CALD1: variants seen among roughly 807,000 people sequenced by gnomAD.
CALD1 encodes the protein caldesmon 1.
In CALD1, 33 loss-of-function variants were observed where a neutral mutation model predicts 99.9. The observed-to-expected ratio is 0.33, with a 90% confidence interval of 0.25 to 0.44. The LOEUF is 0.44. Ranked by LOEUF, CALD1 falls within the 20% of genes least tolerant of loss-of-function variation. The pLI, the probability that CALD1 is intolerant of heterozygous loss-of-function variation, is 1.00. For missense variants in CALD1, 861 were observed against 962.1 expected, an observed-to-expected ratio of 0.89 and a Z score of 1.39; for synonymous variants, 310 against 325.0, an observed-to-expected ratio of 0.95 and a Z score of 0.50.
intron 14 of CALD1, among the ~76,000 whole-genome samples, chr7:134,966,504 T>TC (rs1808690605): frequency 6.6e-6 from 1 of 152,174 alleles, no homozygotes; most frequent in African/African-American, 2.4e-5. Context: ...CTCCATTATT[T>TC]CATTTGATCC....
At chr7:134,891,399 G>A in intron 3 of CALD1, 1 of 1,270,462 alleles carries the variant, frequency 7.9e-7, no homozygotes, top group Non-Finnish European at 9.9e-7. Flanking sequence ...TGTGAGGAGG[G>A]AACGGGTTGG....
chr7:134,883,349 G>C (rs774858413), intron 3 of CALD1, among the ~76,000 whole-genome samples: 5 of 151,810 alleles, frequency 3.3e-5, no homozygotes, highest in Non-Finnish European at 7.4e-5. Context: ...AGTGACTGTC[G>C]GCTATTTTTT....
At chr7:134,806,744 G>A (rs184891893) in intron 1 of CALD1, among the ~76,000 whole-genome samples, 3 of 151,904 alleles carry the variant, frequency 2.0e-5, no homozygotes, top group East Asian at 1.9e-4. Flanking sequence ...TCAATCCTTC[G>A]CCAACAATTT....
At chr7:134,930,731 A>G (rs551044143) in intron 4 of CALD1, among the ~76,000 whole-genome samples, 2 of 152,312 alleles carry the variant, frequency 1.3e-5, no homozygotes, top group Non-Finnish European at 2.9e-5. Flanking sequence ...TAAAAATTAT[A>G]CCTTTCTCCA....
At chr7:134,812,744 T>C (rs1231488612) in intron 1 of CALD1, among the ~76,000 whole-genome samples, 1 of 152,126 alleles carries the variant, frequency 6.6e-6, no homozygotes, top group East Asian at 1.9e-4. Context: ...CAATTAGGCA[T>C]TTGATTGGAA....
At chr7:134,897,576 G>GACCTTGGT (rs1307814861) in intron 3 of CALD1, among the ~76,000 whole-genome samples, 6 of 152,098 alleles carry the variant, frequency 3.9e-5, no homozygotes, top group African/African-American at 1.4e-4. Context: ...CATATCACAT[G>GACCTTGGT]ACCTTGGTAT....
At chr7:134,814,640 C>T (rs887350113) in intron 1 of CALD1, among the ~76,000 whole-genome samples, 8 of 152,192 alleles carry the variant, frequency 5.3e-5, no homozygotes, top group Non-Finnish European at 7.3e-5. Flanking sequence ...TCTAACCCTA[C>T]GGAAGATGCT....
chr7:134,742,037 A>G (rs897614619), upstream of CALD1, among the ~76,000 whole-genome samples: 7 of 152,048 alleles, frequency 4.6e-5, no homozygotes, highest in Non-Finnish European at 8.8e-5. Flanking sequence ...ACACACACAC[A>G]CACACACACA....
chr7:134,942,400 A>G (rs2133071115), intron 7 of CALD1, among the ~76,000 whole-genome samples: 1 of 152,330 alleles, frequency 6.6e-6, no homozygotes, highest in African/African-American at 2.4e-5. Context: ...TTGTACGTAA[A>G]TTTAAGCAGA....
chr7:134,895,960 G>A (rs1302060930), intron 3 of CALD1, among the ~76,000 whole-genome samples: 4 of 151,974 alleles, frequency 2.6e-5, no homozygotes, highest in African/African-American at 9.7e-5. Flanking sequence ...TCCTGGTCAC[G>A]TGCTTTGACC....
chr7:134,751,900 C>T (rs1451749979), intron 1 of CALD1, among the ~76,000 whole-genome samples: 1 of 152,038 alleles, frequency 6.6e-6, no homozygotes, highest in Non-Finnish European at 1.5e-5. Context: ...TTGCTTGAGC[C>T]AGGGGACGGA....
rs181430918 is a variant in CALD1, at chr7:134,813,753, T to C, written c.-129-30131T>C. Among the ~76,000 whole-genome samples, 17 of 152,320 alleles carry C rather than the reference T, an allele frequency of 1.1e-4. No individual in the cohort carries two copies. The East Asian group carries it at 2.9e-3, about 26-fold the overall frequency. ...TTGCCAGGTAGCACTAAGGACCCAGTTGACATTACTGGTAACAAATTTTAA... is the reference window on the plus strand; with the variant it reads ...TTGCCAGGTAGCACTAAGGACCCAGCTGACATTACTGGTAACAAATTTTAA... On this transcript the variant is annotated intron_variant, in intron 1 of 14. Transcript: ENST00000361675.
Position 134,854,110 on chromosome 7 carries a change from C to A in CALD1, c.-42+10139C>A, listed in dbSNP as rs1262667474. Among the ~76,000 whole-genome samples, 9 of 152,144 alleles carry A rather than the reference C, an allele frequency of 5.9e-5. No individual in the cohort carries two copies. The East Asian group carries it at 1.7e-3, about 29-fold the overall frequency. ...CTACATTTTTTTTAATCCAGTCTATCATTGATGGACATTTGGGTTGGTTCC... is the reference window on the plus strand; with the variant it reads ...CTACATTTTTTTTAATCCAGTCTATAATTGATGGACATTTGGGTTGGTTCC... On this transcript the variant is annotated intron_variant, in intron 2 of 14. Coordinates refer to ENST00000361675, the MANE Select transcript of CALD1 (RefSeq NM_033138.4).
At chr7:134,749,492 G>A (rs12535585) in intron 1 of CALD1, among the ~76,000 whole-genome samples, 19,813 of 152,226 alleles carry the variant, frequency 0.13, 1,532 homozygotes, top group Non-Finnish European at 0.17. Context: ...GATGGCACAT[G>A]CCTGTAATCC....
At chr7:134,782,646 G>A (rs1364120049) in intron 1 of CALD1, among the ~76,000 whole-genome samples, 4 of 152,150 alleles carry the variant, frequency 2.6e-5, no homozygotes, top group Admixed American at 6.5e-5. Flanking sequence ...ATGCTTCTCC[G>A]ATGTCCCACA....
chr7:134,890,451 A>T (rs186032482), intron 3 of CALD1, among the ~76,000 whole-genome samples: 125 of 152,284 alleles, frequency 8.2e-4, no homozygotes, highest in African/African-American at 2.9e-3. Context: ...AAGCGCTCTC[A>T]ATGTGTGAAG....
chr7:134,766,667 G>A (rs913302732), intron 1 of CALD1, among the ~76,000 whole-genome samples: 59 of 152,102 alleles, frequency 3.9e-4, no homozygotes, highest in African/African-American at 1.4e-3. Context: ...TGGTTTCTAG[G>A]GGAGAGATCA....
intron 1 of CALD1, among the ~76,000 whole-genome samples, chr7:134,754,009 G>C (rs1438767767): frequency 1.3e-5 from 2 of 152,182 alleles, no homozygotes; most frequent in African/African-American, 4.8e-5. Flanking sequence ...AGGAGGCTGG[G>C]GACATCTCCA....
chr7:134,901,318 G>A (rs1035568152), intron 3 of CALD1, among the ~76,000 whole-genome samples: 3 of 151,982 alleles, frequency 2.0e-5, no homozygotes, highest in African/African-American at 7.3e-5. Flanking sequence ...GCCCTTGAGC[G>A]AATTACTGAA....
Sources: gnomAD v4.1 joint callset for allele counts (sites outside exome capture counted in the v4.1 genomes callset) on GRCh38, gnomAD v4.1.1 for gene constraint, MANE v1.5 for transcripts, NCBI Gene and HGNC (gene_info 2026-07-23, HGNC 2026-07-21) for gene names.